Variants in KCNH5 observed in about 807,000 individuals in gnomAD.
KCNH5 encodes the protein voltage-gated delayed rectifier potassium channel KCNH5.
In KCNH5, 46 loss-of-function variants were observed where a neutral mutation model predicts 96.1. That is an observed-to-expected ratio of 0.48 (90% CI 0.38 to 0.61). KCNH5 has a LOEUF of 0.61. Among genes scored for constraint, KCNH5 ranks in the 20% least tolerant of loss-of-function variants. The pLI, the probability that KCNH5 is intolerant of heterozygous loss-of-function variation, is 0.00. For synonymous variants in KCNH5, 439 were observed against 449.8 expected, an observed-to-expected ratio of 0.98 and a Z score of 0.30; for missense variants, 907 against 1,225.8, an observed-to-expected ratio of 0.74 and a Z score of 3.88.
chr14:62,916,238 C>T (rs575394980), intron 7 of KCNH5, among the ~76,000 whole-genome samples: 96 of 152,226 alleles, frequency 6.3e-4, no homozygotes, highest in Middle Eastern at 3.4e-3. Context: ...AGGCGTGAGC[C>T]ACCACGCCCA....
intron 6 of KCNH5, among the ~76,000 whole-genome samples, chr14:62,951,346 C>T (rs1399044663): frequency 2.6e-5 from 4 of 152,068 alleles, no homozygotes; most frequent in Non-Finnish European, 5.9e-5. Flanking sequence ...AATGAAAGTC[C>T]CATAGTTACT....
Position 62,707,638 on chromosome 14 carries a change from CT to C in KCNH5, c.2836del (p.Ser946AlafsTer77). The C allele has an allele frequency of 6.3e-7, 1 of 1,581,962 alleles. No individual in the cohort carries two copies. The highest frequency in any genetic ancestry group is 8.6e-7 in the Non-Finnish European group (1 of 1,160,068). ...AEILKILSEK[S>X]VPQASSPKSQ... ...TTTGGGAGATGAGGCCTGGGGTACG[CT>C]TTTTTCCGACAGTATTTTTAAAATT... On this transcript the variant is annotated frameshift_variant, in exon 11 of 11. Transcript: ENST00000322893. LOFTEE classifies it high-confidence loss of function.
chr14:63,034,505 T>C (rs999587053), intron 1 of KCNH5, among the ~76,000 whole-genome samples: 3 of 152,194 alleles, frequency 2.0e-5, no homozygotes, highest in South Asian at 2.1e-4. Flanking sequence ...TCTAGCAATA[T>C]AGCAAATGTG....
Position 62,704,136 on chromosome 14 carries a change from G to T in KCNH5, c.*3372C>A, listed in dbSNP as rs796601889. On this transcript the variant is annotated 3_prime_UTR_variant, in exon 11 of 11. Transcript: ENST00000322893. ...TCACAACTAATTTTCCTATTAAAGT[G>T]TTGAGTACAACAGAAGTACACATTT... 45 of 151,950 alleles carry T rather than the reference G, an allele frequency of 3.0e-4. No individual in the cohort carries two copies. The highest frequency in any genetic ancestry group is 9.4e-4 in the African/African-American group (39 of 41,538). The allele number at this position is 151,950 out of a possible 1,614,324, so 9.4% of individuals were successfully genotyped here.
chr14:62,873,902 A>C (rs1888314069), intron 7 of KCNH5, among the ~76,000 whole-genome samples: 1 of 152,154 alleles, frequency 6.6e-6, no homozygotes, highest in South Asian at 2.1e-4. Flanking sequence ...ATCTGGGTCT[A>C]GTTTTGCTAT....
intron 8 of KCNH5, among the ~76,000 whole-genome samples, chr14:62,803,074 C>T (rs1272328697): frequency 6.6e-6 from 1 of 152,082 alleles, no homozygotes; most frequent in Non-Finnish European, 1.5e-5. Flanking sequence ...TCACCTTATC[C>T]CAGGAGACAG....
At chr14:63,024,668 C>G (rs548520451) in intron 1 of KCNH5, among the ~76,000 whole-genome samples, 1 of 152,108 alleles carries the variant, frequency 6.6e-6, no homozygotes, top group Non-Finnish European at 1.5e-5. Context: ...ACTGTCTAAT[C>G]TTGAAGAAAT....
intron 10 of KCNH5, among the ~76,000 whole-genome samples, chr14:62,717,989 A>G (rs1239025460): frequency 6.6e-6 from 1 of 152,230 alleles, no homozygotes; most frequent in Non-Finnish European, 1.5e-5. Flanking sequence ...GGCAGCTAGA[A>G]GCCATTATCC....
chr14:62,921,412 A>G (rs11158461), intron 7 of KCNH5, among the ~76,000 whole-genome samples: 109,021 of 152,028 alleles, frequency 0.72, 40,109 homozygotes, highest in East Asian at 0.99. Flanking sequence ...AACTGAATGC[A>G]TAATGTCTAA....
chr14:62,821,843 T>G (rs374383407), intron 8 of KCNH5, among the ~76,000 whole-genome samples: 5 of 152,110 alleles, frequency 3.3e-5, no homozygotes, highest in South Asian at 2.1e-4. Flanking sequence ...CCTGCAAACA[T>G]GATCTACTTT....
chr14:62,887,322 T>A (rs1204738869), intron 7 of KCNH5, among the ~76,000 whole-genome samples: 1 of 152,182 alleles, frequency 6.6e-6, no homozygotes, highest in African/African-American at 2.4e-5. Flanking sequence ...ATTCTGGTAG[T>A]GCTGCAAACT....
At chr14:62,890,686 G>A (rs1377136753) in intron 7 of KCNH5, among the ~76,000 whole-genome samples, 3 of 129,216 alleles carry the variant, frequency 2.3e-5, no homozygotes, top group African/African-American at 6.0e-5. Flanking sequence ...GGGACAGAGC[G>A]AGACTCCGTC....
intron 7 of KCNH5, among the ~76,000 whole-genome samples, chr14:62,857,735 T>C (rs1490119672): frequency 6.6e-6 from 1 of 152,168 alleles, no homozygotes; most frequent in Admixed American, 6.5e-5. Flanking sequence ...ACCCAGATTA[T>C]GGGTGGGTCT....
intron 7 of KCNH5, among the ~76,000 whole-genome samples, chr14:62,942,755 T>C (rs1889812066): frequency 6.6e-6 from 1 of 152,224 alleles, no homozygotes; most frequent in South Asian, 2.1e-4. Flanking sequence ...TTACATCCTA[T>C]TTGAAAATTG....
At chr14:62,795,442 C>A (rs903753248) in intron 9 of KCNH5, among the ~76,000 whole-genome samples, 1 of 152,058 alleles carries the variant, frequency 6.6e-6, no homozygotes, top group East Asian at 1.9e-4. Context: ...ATTCCCTAAC[C>A]AATAAAACAA....
chr14:62,750,150 A>G (rs1156990493), intron 10 of KCNH5, among the ~76,000 whole-genome samples: 2 of 152,212 alleles, frequency 1.3e-5, no homozygotes, highest in East Asian at 1.9e-4. Flanking sequence ...AGGCCTTACT[A>G]GAGGAGGAGG....
At chr14:62,905,031 G>T (rs1478561969) in intron 7 of KCNH5, among the ~76,000 whole-genome samples, 1 of 152,106 alleles carries the variant, frequency 6.6e-6, no homozygotes, top group African/African-American at 2.4e-5. Flanking sequence ...TATTTCTTCA[G>T]TATTGCCCAC....
chr14:62,810,445 G>A (rs927069353), intron 8 of KCNH5, among the ~76,000 whole-genome samples: 4 of 151,994 alleles, frequency 2.6e-5, no homozygotes, highest in Non-Finnish European at 4.4e-5. Context: ...AGGCTGAGAC[G>A]TACTGGGCTA....
intron 8 of KCNH5, among the ~76,000 whole-genome samples, chr14:62,848,113 T>G (rs1210173904): frequency 6.6e-6 from 1 of 152,264 alleles, no homozygotes; most frequent in Non-Finnish European, 1.5e-5. Context: ...CATCATTTAC[T>G]GATTTTTATT....
Sources: gnomAD v4.1 joint callset for allele counts (sites outside exome capture counted in the v4.1 genomes callset) on GRCh38, gnomAD v4.1.1 for gene constraint, MANE v1.5 for transcripts, NCBI Gene and HGNC (gene_info 2026-07-23, HGNC 2026-07-21) for gene names.